ADGRL4: variants seen among roughly 807,000 people sequenced by gnomAD.
ADGRL4 encodes EGF, latrophilin and seven transmembrane domain containing 1.
Under a neutral mutation model 74.8 loss-of-function variants are expected in ADGRL4, and 90 were observed. The observed-to-expected ratio is 1.20, with a 90% CI of 1.02 to 1.43. The LOEUF (loss-of-function observed/expected upper bound fraction) is 1.43. ADGRL4 is among the 40% of genes most tolerant of loss of function. ADGRL4 has a pLI of 0.00. For synonymous variants in ADGRL4, 311 were observed against 279.2 expected, an observed-to-expected ratio of 1.11 and a Z score of -1.14; for missense variants, 881 against 814.3, an observed-to-expected ratio of 1.08 and a Z score of -1.00.
chr1:78,980,581 T>C (rs996687595), intron 2 of ADGRL4, among the ~76,000 whole-genome samples: 10 of 151,968 alleles, frequency 6.6e-5, no homozygotes, highest in African/African-American at 1.7e-4. Flanking sequence ...TATTTATATA[T>C]AGTAAAGCCA....
intron 12 of ADGRL4, among the ~76,000 whole-genome samples, chr1:78,910,887 G>T (rs1470393141): frequency 2.6e-5 from 4 of 151,756 alleles, no homozygotes; most frequent in Non-Finnish European, 5.9e-5. Context: ...AATTCTAAGA[G>T]ATTTTTAATA....
chr1:78,972,126 G>A (rs1029893601), intron 2 of ADGRL4, among the ~76,000 whole-genome samples: 4 of 152,134 alleles, frequency 2.6e-5, no homozygotes, highest in African/African-American at 9.7e-5. Flanking sequence ...CAAATAGTAT[G>A]GATTATAAAG....
chr1:78,923,677 G>T (rs1649047837), intron 8 of ADGRL4, among the ~76,000 whole-genome samples: 1 of 151,822 alleles, frequency 6.6e-6, no homozygotes. Flanking sequence ...AGAGAGATGA[G>T]ATACTGTACC....
chr1:78,926,550 A>G (rs1451064540), intron 8 of ADGRL4, among the ~76,000 whole-genome samples: 2 of 152,012 alleles, frequency 1.3e-5, no homozygotes, highest in Admixed American at 6.6e-5. Context: ...TACACAAGTG[A>G]CATTTATTTC....
At chr1:78,966,980 T>C (rs1287285644) in intron 2 of ADGRL4, among the ~76,000 whole-genome samples, 1 of 152,000 alleles carries the variant, frequency 6.6e-6, no homozygotes, top group African/African-American at 2.4e-5. Context: ...TTATGGGGAC[T>C]GGGTTTTCTC....
chr1:78,985,861 A>G (rs1167932613), intron 2 of ADGRL4, among the ~76,000 whole-genome samples: 1 of 151,808 alleles, frequency 6.6e-6, no homozygotes, highest in African/African-American at 2.4e-5. Context: ...AGGACGAGAT[A>G]ATGTTCTTTG....
chr1:78,964,204 G>C (rs61770706), intron 2 of ADGRL4, among the ~76,000 whole-genome samples: 1 of 152,166 alleles, frequency 6.6e-6, no homozygotes, highest in African/African-American at 2.4e-5. Context: ...ACTTGAAAAT[G>C]AATGCTCAAT....
At chr1:78,946,490 A>C in intron 2 of ADGRL4, 64 bp from the exon 3 acceptor site, 1 of 1,406,964 alleles carries the variant, frequency 7.1e-7, no homozygotes, top group Non-Finnish European at 9.6e-7. Flanking sequence ...ACTATTTTCC[A>C]TCAGTATTTT....
At chr1:78,945,176 AAATAT>A (rs1339498410) in intron 3 of ADGRL4, among the ~76,000 whole-genome samples, 189 of 131,338 alleles carry the variant, frequency 1.4e-3, no homozygotes, top group African/African-American at 5.1e-3. Flanking sequence ...AAAAAAAAAA[AAATAT>A]ATATATATAT....
At chr1:78,909,665 G>A (rs1378191887) in intron 12 of ADGRL4, among the ~76,000 whole-genome samples, 1 of 151,682 alleles carries the variant, frequency 6.6e-6, no homozygotes, top group Non-Finnish European at 1.5e-5. Flanking sequence ...TCTAGCATTG[G>A]CAGAAGTGTC....
At chr1:78,942,541 A>T (rs996549069) in intron 3 of ADGRL4, among the ~76,000 whole-genome samples, 72 of 152,190 alleles carry the variant, frequency 4.7e-4, no homozygotes, top group Non-Finnish European at 1.2e-4. Context: ...TTACTGATTG[A>T]CCCACTTTCC....
intron 12 of ADGRL4, 120 bp downstream of exon 12, chr1:78,917,514 T>G (rs1488781638): frequency 1.8e-6 from 1 of 563,694 alleles, no homozygotes; most frequent in African/African-American, 1.9e-5. Flanking sequence ...TGCTGATAAG[T>G]GATATACTGT....
At chr1:78,893,491 A>G (rs1648331918) in intron 12 of ADGRL4, among the ~76,000 whole-genome samples, 1 of 151,912 alleles carries the variant, frequency 6.6e-6, no homozygotes, top group Non-Finnish European at 1.5e-5. Flanking sequence ...ACACTAAAGA[A>G]AGCAAATTTT....
At chr1:79,000,525 G>GTTTATTGA (rs1199428199) in intron 2 of ADGRL4, among the ~76,000 whole-genome samples, 5 of 152,002 alleles carry the variant, frequency 3.3e-5, no homozygotes, top group African/African-American at 1.2e-4. Context: ...TTTTACAATG[G>GTTTATTGA]TTTATTGATT....
chr1:78,971,744 G>A (rs1395131350), intron 2 of ADGRL4, among the ~76,000 whole-genome samples: 1 of 150,376 alleles, frequency 6.6e-6, no homozygotes, highest in Non-Finnish European at 1.5e-5. Flanking sequence ...GACGTTCATT[G>A]CAGGATTTGT....
intron 2 of ADGRL4, among the ~76,000 whole-genome samples, chr1:78,957,485 G>A (rs1371268289): frequency 6.6e-6 from 1 of 152,096 alleles, no homozygotes; most frequent in African/African-American, 2.4e-5. Context: ...TTGTTGATAC[G>A]GTGAAAGTTT....
At chr1:78,966,861 TTTTC>T (rs1303247045) in intron 2 of ADGRL4, among the ~76,000 whole-genome samples, 3 of 150,082 alleles carry the variant, frequency 2.0e-5, no homozygotes, top group South Asian at 2.1e-4. Flanking sequence ...TTTTTTTTCT[TTTTC>T]TTTCTTTTTT....
chr1:78,982,301 A>G (rs1252244901), intron 2 of ADGRL4, among the ~76,000 whole-genome samples: 4 of 151,896 alleles, frequency 2.6e-5, no homozygotes, highest in Non-Finnish European at 5.9e-5. Context: ...TGTATATTCA[A>G]GGCACAGATG....
intron 2 of ADGRL4, among the ~76,000 whole-genome samples, chr1:78,959,883 T>C (rs1439239557): frequency 6.6e-6 from 1 of 152,186 alleles, no homozygotes; most frequent in Non-Finnish European, 1.5e-5. Context: ...AGTCTAAGGT[T>C]CAGAGTTCTA....
Sources: allele counts gnomAD v4.1 joint callset (sites outside exome capture counted in the v4.1 genomes callset), GRCh38; gene constraint gnomAD v4.1.1; transcripts MANE v1.5; gene names NCBI Gene and HGNC (gene_info 2026-07-23, HGNC 2026-07-21).